PCDH7: variants seen among roughly 807,000 people sequenced by gnomAD.
The protein encoded by PCDH7 is protocadherin-7.
A neutral mutation model predicts 58.9 loss-of-function variants in PCDH7; 17 were observed. The ratio of observed to expected loss-of-function variants is 0.29; its 90% confidence interval spans 0.20 to 0.43. PCDH7 has a LOEUF of 0.43. PCDH7 is among the 20% of genes least tolerant of loss of function. The probability of loss-of-function intolerance (pLI) is 1.00; values close to 1 mark genes in which losing one functional copy is unlikely to be tolerated. For missense variants in PCDH7, 1,274 were observed against 1,441.0 expected, an observed-to-expected ratio of 0.88 and a Z score of 1.88; for synonymous variants, 664 against 616.4, an observed-to-expected ratio of 1.08 and a Z score of -1.14.
At chr4:30,860,033 G>A (rs1316032187) in intron 1 of PCDH7, among the ~76,000 whole-genome samples, 1 of 152,126 alleles carries the variant, frequency 6.6e-6, no homozygotes, top group African/African-American at 2.4e-5. Context: ...GAAAAAATGA[G>A]AATCAGTCTT....
At chr4:30,741,333 A>G (rs545887402) in intron 1 of PCDH7, among the ~76,000 whole-genome samples, 2 of 151,134 alleles carry the variant, frequency 1.3e-5, no homozygotes, top group South Asian at 4.2e-4. Flanking sequence ...TGGTGCTACA[A>G]GTGTGTGCCA....
At chr4:30,986,497 A>G (rs1750978514) in intron 3 of PCDH7, among the ~76,000 whole-genome samples, 1 of 152,144 alleles carries the variant, frequency 6.6e-6, no homozygotes, top group Non-Finnish European at 1.5e-5. Context: ...ATTGTAGCAA[A>G]TCTGAAAAGC....
intron 3 of PCDH7, chr4:30,987,936 G>A (rs959457487): frequency 6.6e-6 from 1 of 152,082 alleles, no homozygotes; most frequent in Non-Finnish European, 1.5e-5. Context: ...TAATTTCTAG[G>A]GAGGGTATTG....
chr4:30,908,438 G>T (rs966193418), intron 1 of PCDH7, among the ~76,000 whole-genome samples: 1 of 152,000 alleles, frequency 6.6e-6, no homozygotes, highest in Non-Finnish European at 1.5e-5. Flanking sequence ...TAGTATAATT[G>T]GCCATAAGGT....
intron 2 of PCDH7, among the ~76,000 whole-genome samples, chr4:30,922,064 C>T (rs1743244366): frequency 6.6e-6 from 1 of 151,322 alleles, no homozygotes; most frequent in South Asian, 2.1e-4. Flanking sequence ...CATGTAATTG[C>T]ATGTATGTAG....
chr4:31,026,979 A>T (rs1410120542), intron 3 of PCDH7, among the ~76,000 whole-genome samples: 1 of 152,194 alleles, frequency 6.6e-6, no homozygotes, highest in Non-Finnish European at 1.5e-5. Context: ...TAAAAATGGG[A>T]GTAAGATGCT....
In PCDH7 at chr4:30,845,527, A is replaced by G. The variant is rs541474626; in HGVS notation, c.71-74626A>G. On this transcript the variant is annotated intron_variant, in intron 1 of 3. Coordinates refer to the PCDH7 transcript ENST00000509759. The stretch of plus-strand genomic sequence containing the variant: ...TGGTGTGCTTGAAACTTAAAAACAC[A>G]TGTTTTTAAGTTGGTGTAAATTTGG... Among the ~76,000 whole-genome samples the G allele has an allele frequency of 1.6e-4, 25 of 152,276 alleles. No individual in the cohort carries two copies. In the South Asian group the frequency reaches 2.9e-3, roughly 18 times the overall value.
chr4:30,766,357 C>A (rs953001875), intron 1 of PCDH7, among the ~76,000 whole-genome samples: 16 of 151,790 alleles, frequency 1.1e-4, no homozygotes, highest in Non-Finnish European at 1.6e-4. Context: ...CAAGAAGGCT[C>A]CATCTAAAAA....
At chr4:30,843,599 A>G (rs1195880044) in intron 1 of PCDH7, among the ~76,000 whole-genome samples, 3 of 152,212 alleles carry the variant, frequency 2.0e-5, no homozygotes, top group Non-Finnish European at 4.4e-5. Context: ...TTACTTTGTC[A>G]GTGTGTTTGC....
chr4:30,754,161 G>GGT (rs137965585), intron 1 of PCDH7, among the ~76,000 whole-genome samples: 41,898 of 138,446 alleles, frequency 0.3, 5,994 homozygotes, highest in African/African-American at 0.32. Flanking sequence ...GCAAACACTA[G>GGT]GTGTGTGTGT....
intron 1 of PCDH7, among the ~76,000 whole-genome samples, chr4:30,803,942 A>G (rs1424410506): frequency 6.6e-6 from 1 of 152,214 alleles, no homozygotes; most frequent in Non-Finnish European, 1.5e-5. Context: ...TCTAGCATAT[A>G]GTGAAATCTA....
rs564679226 is a variant in PCDH7 at position 30,874,344 on chromosome 4, A to AC, written c.71-45807dup. Among the ~76,000 whole-genome samples, 20 of 152,212 alleles carry AC rather than the reference A, an allele frequency of 1.3e-4. No homozygotes were observed. In the East Asian group the frequency reaches 3.1e-3, roughly 24 times the overall value. On this transcript the variant is annotated intron_variant, in intron 1 of 3. Coordinates refer to the PCDH7 transcript ENST00000509759. ...GATTAAGAAAATGTGGCACATATAC[A>AC]CCATGGAATACTATGCAGCCATAAA...
At chr4:31,086,342 G>C (rs1712430836) in intron 3 of PCDH7, among the ~76,000 whole-genome samples, 1 of 152,150 alleles carries the variant, frequency 6.6e-6, no homozygotes, top group South Asian at 2.1e-4. Context: ...TTCAGTCGAT[G>C]ATGTCCCGCA....
chr4:30,764,965 C>T (rs543557036), intron 1 of PCDH7, among the ~76,000 whole-genome samples: 1 of 151,998 alleles, frequency 6.6e-6, no homozygotes, highest in South Asian at 2.1e-4. Flanking sequence ...GTGATCTGCC[C>T]ACCTTGGCCT....
chr4:31,027,553 G>T (rs1754536383), intron 3 of PCDH7, among the ~76,000 whole-genome samples: 2 of 151,986 alleles, frequency 1.3e-5, no homozygotes, highest in Non-Finnish European at 2.9e-5. Context: ...CTCCTGAGTA[G>T]CTGGGATTAT....
chr4:31,035,247 CTTTTTTT>C (rs35099580), intron 3 of PCDH7, among the ~76,000 whole-genome samples: 9 of 99,382 alleles, frequency 9.1e-5, no homozygotes, highest in Admixed American at 1.3e-4. Flanking sequence ...CCTTTTTTCC[CTTTTTTT>C]TTTTTTTTTT....
chr4:31,016,781 T>C (rs1753636089), intron 3 of PCDH7, among the ~76,000 whole-genome samples: 1 of 151,710 alleles, frequency 6.6e-6, no homozygotes, highest in South Asian at 2.1e-4. Context: ...GTATAAGGGC[T>C]ATTGTGTGTG....
At chr4:31,077,498 C>T (rs531694946) in intron 3 of PCDH7, among the ~76,000 whole-genome samples, 27 of 151,468 alleles carry the variant, frequency 1.8e-4, no homozygotes, top group African/African-American at 4.4e-4. Context: ...AATGAGTTAA[C>T]GGAGATGATG....
chr4:31,076,623 T>C (rs1759015930), intron 3 of PCDH7, among the ~76,000 whole-genome samples: 1 of 152,188 alleles, frequency 6.6e-6, no homozygotes, highest in Non-Finnish European at 1.5e-5. Context: ...TATTCTTATT[T>C]CTCAAAATCC....
Sources: gnomAD v4.1 joint callset for allele counts (sites outside exome capture counted in the v4.1 genomes callset) on GRCh38, gnomAD v4.1.1 for gene constraint, MANE v1.5 for transcripts, NCBI Gene and HGNC (gene_info 2026-07-23, HGNC 2026-07-21) for gene names.